Variants in FBXW11 observed in about 807,000 individuals in gnomAD.
FBXW11 encodes the protein F-box and WD repeat domain containing 11.
FBXW11 carries 19 observed loss-of-function variants against 77.6 expected under a neutral mutation model. The observed-to-expected ratio is 0.24, with a 90% confidence interval of 0.17 to 0.36. The LOEUF is 0.36. Ranked by LOEUF, FBXW11 falls within the 10% of genes least tolerant of loss-of-function variation. The pLI is 1.00. For synonymous variants in FBXW11, 235 were observed against 249.4 expected (o/e 0.94, Z 0.54); for missense variants, 334 against 704.2 (o/e 0.47, Z 5.95).
rs1047891729 is a variant in FBXW11, at chr5:171,904,200, C to T, written c.437-4100G>A. 3.9e-5 allele frequency among the ~76,000 whole-genome samples: 6 copies of T among 152,034 alleles called. No individual in the cohort carries two copies. Among genetic ancestry groups the T allele is most frequent in the East Asian group, 1.9e-4 (1 of 5,172 alleles). ...CCCAGCTACTTGGCAGGATGAGGCG[C>T]GCGAGAACCACTTGAACCTAGGAGG... is the stretch of plus-strand genomic sequence containing the variant. On this transcript the variant is annotated intron_variant, in intron 4 of 13. Transcript: ENST00000517395. The surrounding 1 kb of genome is among the most constrained non-coding windows in gnomAD (Gnocchi z 4.0).
chr5:171,951,395 G>A (rs984547982), intron 2 of FBXW11, among the ~76,000 whole-genome samples: 2 of 151,984 alleles, frequency 1.3e-5, no homozygotes, highest in Non-Finnish European at 2.9e-5. Context: ...AATTATCTGG[G>A]CGTGGTGGCA....
intron 2 of FBXW11, among the ~76,000 whole-genome samples, chr5:171,946,726 C>A (rs1763027050): frequency 6.6e-6 from 1 of 151,784 alleles, no homozygotes; most frequent in South Asian, 2.1e-4. Context: ...AAAACTGAAG[C>A]CCTTCCCAAA....
intron 2 of FBXW11, among the ~76,000 whole-genome samples, chr5:171,930,827 T>C (rs839265): frequency 0.024 from 3,636 of 150,226 alleles, 82 homozygotes; most frequent in African/African-American, 0.058. Flanking sequence ...TAAGTGATTA[T>C]GGCAGATCTG....
chr5:171,965,905 G>A (rs949124924), intron 1 of FBXW11, among the ~76,000 whole-genome samples: 4 of 152,004 alleles, frequency 2.6e-5, no homozygotes, highest in Admixed American at 1.3e-4. Flanking sequence ...GGGGGTAGAC[G>A]TCCCCCTTGC....
At chr5:171,924,821 C>T (rs1761803989) in intron 2 of FBXW11, among the ~76,000 whole-genome samples, 1 of 142,140 alleles carries the variant, frequency 7.0e-6, no homozygotes. Context: ...AGCTACAACC[C>T]TTCTGGGGCC....
chr5:171,935,680 C>G (rs1414688419), intron 2 of FBXW11, among the ~76,000 whole-genome samples: 1 of 151,984 alleles, frequency 6.6e-6, no homozygotes, highest in Non-Finnish European at 1.5e-5. Context: ...ACACACCAAG[C>G]AAGGCATCAG....
In FBXW11 at chr5:172,006,537, G is replaced by C. The variant is rs1561770867; in HGVS notation, c.-35C>G. On this transcript the variant is annotated 5_prime_UTR_variant, in exon 1 of 14. Coordinates refer to ENST00000517395, the MANE Select transcript of FBXW11 (RefSeq NM_001378974.1). Reference sequence around the variant, plus strand: ...GGCGGCCCCGCCTCGCTCTCCCCGCGCAGCAGCGAACGGCCCGGGCGGAGG... The same window carrying C: ...GGCGGCCCCGCCTCGCTCTCCCCGCCCAGCAGCGAACGGCCCGGGCGGAGG... The C allele has an allele frequency of 6.7e-7, 1 of 1,489,202 alleles. No individual in the cohort carries two copies. Among genetic ancestry groups the C allele is most frequent in the Admixed American group, 2.3e-5 (1 of 42,722 alleles). 92.2% of individuals were successfully genotyped at this position (1,489,202 alleles called of 1,614,324 possible). A position where few individuals can be genotyped will look rare whatever the true frequency, so the allele number is the denominator to read the frequency against.
intron 1 of FBXW11, among the ~76,000 whole-genome samples, chr5:171,988,697 T>C (rs894074720): frequency 2.6e-5 from 4 of 151,264 alleles, no homozygotes; most frequent in African/African-American, 9.7e-5. Flanking sequence ...ATACAAAAAT[T>C]AGCCAGGCAT....
At chr5:171,920,531 T>C (rs1006344450) in intron 2 of FBXW11, among the ~76,000 whole-genome samples, 3 of 151,188 alleles carry the variant, frequency 2.0e-5, no homozygotes, top group Non-Finnish European at 4.4e-5. Context: ...TTTGAGACCA[T>C]CCTGCACAAC....
chr5:171,897,343 A>G (rs1375724262), intron 6 of FBXW11, among the ~76,000 whole-genome samples: 1 of 152,194 alleles, frequency 6.6e-6, no homozygotes, highest in Admixed American at 6.5e-5. Flanking sequence ...AAAAATCTGG[A>G]GAAGACTTTT....
At chr5:171,893,437 A>AAAAAAAAAAAAAAAAAAAAAAAAC (rs1561656944) in intron 6 of FBXW11, among the ~76,000 whole-genome samples, 1 of 146,996 alleles carries the variant, frequency 6.8e-6, no homozygotes. Context: ...AAAAAAAAAA[A>AAAAAAAAAAAAAAAAAAAAAAAAC]AAAAAAAAAA....
At chr5:171,899,358 C>G (rs972539080) in intron 5 of FBXW11, among the ~76,000 whole-genome samples, 3 of 152,128 alleles carry the variant, frequency 2.0e-5, no homozygotes, top group African/African-American at 7.2e-5. Context: ...TAATAAAAAG[C>G]GCTAATGTAG....
At chr5:171,940,596 AG>A (rs1762700582) in intron 2 of FBXW11, among the ~76,000 whole-genome samples, 2 of 152,208 alleles carry the variant, frequency 1.3e-5, no homozygotes. Context: ...ACAGATCAAA[AG>A]GATACAGACA....
At position 171,876,251 on chromosome 5, in the gene FBXW11, G is replaced by C; in HGVS notation, c.1221+34C>G. ...TTTGTCTCTGTTCTAAAAGGGACAG[G>C]AACAGGTAGGGTTATGACTGCAGAC... On this transcript the variant is annotated intron_variant, in intron 9 of 13. Transcript: ENST00000517395. This position sits in a 1 kb window ranked among gnomAD's most constrained non-coding sequence, Gnocchi z 4.2. 1.2e-6 allele frequency: 2 copies of C among 1,611,546 alleles called. No individual in the cohort carries two copies. Among genetic ancestry groups the C allele is most frequent in the Non-Finnish European group, 1.7e-6 (2 of 1,178,364 alleles).
intron 2 of FBXW11, among the ~76,000 whole-genome samples, chr5:171,919,175 G>T (rs1428905420): frequency 6.6e-6 from 1 of 152,108 alleles, no homozygotes; most frequent in East Asian, 1.9e-4. Flanking sequence ...CTTTACTAGA[G>T]GTCCATGGAC....
chr5:171,976,356 T>C (rs534454274), intron 1 of FBXW11, among the ~76,000 whole-genome samples: 78 of 152,312 alleles, frequency 5.1e-4, no homozygotes, highest in Non-Finnish European at 9.7e-4. Context: ...ACTTTGGAAG[T>C]AGAAATAGCC....
intron 10 of FBXW11, among the ~76,000 whole-genome samples, chr5:171,872,289 CA>C (rs1171707606): frequency 6.6e-6 from 1 of 151,976 alleles, no homozygotes; most frequent in Non-Finnish European, 1.5e-5. Flanking sequence ...GATTATAAAC[CA>C]AAGTTAAGTT....
At chr5:171,971,631 G>GA (rs34729639) in intron 1 of FBXW11, among the ~76,000 whole-genome samples, 13 of 151,194 alleles carry the variant, frequency 8.6e-5, no homozygotes, top group African/African-American at 1.7e-4. Context: ...CAGTGAGGAG[G>GA]AAAAAAAAAA....
chr5:171,956,377 T>C (rs1280565301), intron 2 of FBXW11, among the ~76,000 whole-genome samples: 1 of 152,154 alleles, frequency 6.6e-6, no homozygotes, highest in Non-Finnish European at 1.5e-5. Flanking sequence ...TCTTGTAAGG[T>C]GAGACTTGTA....
Sources: allele counts gnomAD v4.1 joint callset (sites outside exome capture counted in the v4.1 genomes callset), GRCh38; gene constraint gnomAD v4.1.1; non-coding constraint Gnocchi (gnomAD v3.1); transcripts MANE v1.5; gene names NCBI Gene and HGNC (gene_info 2026-07-23, HGNC 2026-07-21).